Variants in PCBP3 observed in about 807,000 individuals in gnomAD.
PCBP3 encodes poly(rC) binding protein 3.
A neutral mutation model predicts 52.7 loss-of-function variants in PCBP3; 25 were observed. The ratio of observed to expected loss-of-function variants is 0.47; its 90% CI spans 0.35 to 0.66. PCBP3 has a LOEUF of 0.66. PCBP3 is among the 30% of genes least tolerant of loss of function. The pLI, the probability that PCBP3 is intolerant of heterozygous loss-of-function variation, is 0.01. For synonymous variants in PCBP3, 162 were observed against 183.0 expected (o/e 0.89, Z 0.93); for missense variants, 391 against 490.3 (o/e 0.80, Z 1.91).
Position 45,896,141 on chromosome 21 carries a change from G to A in PCBP3, c.11-67G>A, listed in dbSNP as rs538997108. 33 of 1,476,310 alleles carry A rather than the reference G, an allele frequency of 2.2e-5. No homozygotes were observed. In the Admixed American group the frequency reaches 4.0e-4, roughly 18 times the overall value. The allele number at this position is 1,476,310 out of a possible 1,614,324, so 91.5% of individuals were successfully genotyped here. A position where few individuals can be genotyped will look rare whatever the true frequency, so the allele number is the denominator to read the frequency against. On this transcript the variant is annotated intron_variant, in intron 5 of 17. Transcript: ENST00000681687. Reference sequence around the variant, plus strand: ...GGGAGGCCGGAGTGGGAGCGGCCCAGGACACCCCTGGATGTGCGTGGTCCG... The same window carrying A: ...GGGAGGCCGGAGTGGGAGCGGCCCAAGACACCCCTGGATGTGCGTGGTCCG...
intron 3 of PCBP3, among the ~76,000 whole-genome samples, chr21:45,738,704 C>A (rs1191755660): frequency 1.3e-5 from 2 of 152,086 alleles, no homozygotes; most frequent in Admixed American, 6.5e-5. Flanking sequence ...TGTCCATGGC[C>A]CCCTGGGTAG....
chr21:45,797,875 G>C (rs76704196), intron 4 of PCBP3, among the ~76,000 whole-genome samples: 8 of 102,404 alleles, frequency 7.8e-5, no homozygotes, highest in South Asian at 3.3e-4. Context: ...GATCCATAGA[G>C]AGAGTGAATG....
intron 4 of PCBP3, among the ~76,000 whole-genome samples, chr21:45,787,401 C>T (rs955122994): frequency 6.6e-6 from 1 of 152,028 alleles, no homozygotes; most frequent in African/African-American, 2.4e-5. Context: ...CGTGTCACCA[C>T]ACCTGGCTAA....
chr21:45,807,046 A>G (rs1569248373), intron 4 of PCBP3, among the ~76,000 whole-genome samples: 1 of 152,106 alleles, frequency 6.6e-6, no homozygotes, highest in Non-Finnish European at 1.5e-5. Flanking sequence ...AACAAAACTG[A>G]TTTCTGCTAT....
In PCBP3 at chr21:45,800,239, C is replaced by T. The variant is rs900296627; in HGVS notation, c.-126+44787C>T. On this transcript the variant is annotated intron_variant, in intron 4 of 17. Coordinates refer to ENST00000681687, the MANE Select transcript of PCBP3 (RefSeq NM_001384156.1). The surrounding 1 kb of genome is among the most constrained non-coding windows in gnomAD (Gnocchi z 5.3). ...GCAGCTTTTTCTTGGGAGCACCGGG[C>T]CAAGCCAGAGGCTCCTGGCAGATCC... 6.6e-6 allele frequency among the ~76,000 whole-genome samples: 1 copy of T among 152,170 alleles called. No homozygotes were observed. Among genetic ancestry groups the T allele is most frequent in the Admixed American group, 6.5e-5 (1 of 15,282 alleles).
chr21:45,877,783 G>A (rs759503347), intron 5 of PCBP3, among the ~76,000 whole-genome samples: 2 of 151,386 alleles, frequency 1.3e-5, no homozygotes, highest in Non-Finnish European at 2.9e-5. Flanking sequence ...CAACAGGAGT[G>A]AAACTCCGTC....
intron 5 of PCBP3, among the ~76,000 whole-genome samples, chr21:45,863,656 C>T (rs923734108): frequency 6.6e-6 from 1 of 152,230 alleles, no homozygotes; most frequent in African/African-American, 2.4e-5. Flanking sequence ...TCTCCTTTTT[C>T]TCCGGTAGCA....
chr21:45,760,718 AAC>A (rs1461575079), intron 4 of PCBP3: 1 of 152,254 alleles, frequency 6.6e-6, no homozygotes, highest in Non-Finnish European at 1.5e-5. Flanking sequence ...AAAAGTAGAA[AAC>A]ACAACATAAA....
intron 2 of PCBP3, among the ~76,000 whole-genome samples, chr21:45,729,689 G>T (rs2085312711): frequency 6.6e-6 from 1 of 151,012 alleles, no homozygotes; most frequent in Admixed American, 6.6e-5. Context: ...TGGTAATTTG[G>T]GCCTTCTACC....
chr21:45,757,153 G>A (rs1319402179), intron 4 of PCBP3, among the ~76,000 whole-genome samples: 1 of 152,182 alleles, frequency 6.6e-6, no homozygotes, highest in Non-Finnish European at 1.5e-5. Context: ...ACCCACATGT[G>A]TGAGCGTTCC....
intron 9 of PCBP3, among the ~76,000 whole-genome samples, chr21:45,902,914 G>T (rs1297563452): frequency 1.3e-5 from 2 of 152,246 alleles, no homozygotes; most frequent in African/African-American, 4.8e-5. Flanking sequence ...GTTTCTGACC[G>T]CACTTTCTGC....
rs2093335812 is a variant in PCBP3 at position 45,827,350 on chromosome 21, C to T, written c.-125-22611C>T. On this transcript the variant is annotated intron_variant, in intron 4 of 17. Coordinates refer to ENST00000681687, the MANE Select transcript of PCBP3 (RefSeq NM_001384156.1). This position sits in a 1 kb window ranked among gnomAD's most constrained non-coding sequence, Gnocchi z 4.3. ...AGATCTGGACATGATCATCACGTCA[C>T]ATCACATGGCCAGGTTTCAACTGCA... 6.6e-6 allele frequency among the ~76,000 whole-genome samples: 1 copy of T among 152,184 alleles called. No individual in the cohort carries two copies. The highest frequency in any genetic ancestry group is 2.1e-4 in the South Asian group (1 of 4,828).
At chr21:45,777,113 A>T (rs2090319705) in intron 4 of PCBP3, among the ~76,000 whole-genome samples, 1 of 151,800 alleles carries the variant, frequency 6.6e-6, no homozygotes, top group Non-Finnish European at 1.5e-5. Flanking sequence ...GTGGTAACAA[A>T]TTCCCTCAGC....
At chr21:45,887,200 C>G (rs886152032) in intron 5 of PCBP3, among the ~76,000 whole-genome samples, 8 of 152,250 alleles carry the variant, frequency 5.3e-5, no homozygotes, top group African/African-American at 1.9e-4. Flanking sequence ...GCTAGTCTGC[C>G]TTTCCTACGC....
Position 45,854,200 on chromosome 21 carries a change from G to A in PCBP3, c.10+4105G>A, listed in dbSNP as rs529809582. ...AGCCTGGACTTGCAGGCTCAAATACGACTCCTCCTGCCCTGCATGTGTGTC... is the reference window on the plus strand; with the variant it reads ...AGCCTGGACTTGCAGGCTCAAATACAACTCCTCCTGCCCTGCATGTGTGTC... On this transcript the variant is annotated intron_variant, in intron 5 of 17. Coordinates refer to ENST00000681687, the MANE Select transcript of PCBP3 (RefSeq NM_001384156.1). 2.6e-4 allele frequency among the ~76,000 whole-genome samples: 40 copies of A among 152,126 alleles called. 1 individual carries two copies. The Middle Eastern group carries it at 0.01, about 39-fold the overall frequency.
intron 2 of PCBP3, among the ~76,000 whole-genome samples, chr21:45,697,302 T>C (rs1315169112): frequency 3.3e-5 from 5 of 152,212 alleles, no homozygotes. Flanking sequence ...CATATGTACA[T>C]TGGAATACCA....
intron 13 of PCBP3, among the ~76,000 whole-genome samples, chr21:45,919,644 G>C (rs2074114907): frequency 6.6e-6 from 1 of 152,238 alleles, no homozygotes; most frequent in African/African-American, 2.4e-5. Flanking sequence ...CCTGGCGTCA[G>C]ACCTTTGGTG....
In PCBP3 at chr21:45,894,051, T is replaced by C. The variant is rs1022132912; in HGVS notation, c.11-2157T>C. 12 of 984,784 alleles carry C rather than the reference T, an allele frequency of 1.2e-5. No individual in the cohort carries two copies. In the African/African-American group the frequency reaches 1.4e-4, roughly 11 times the overall value. The allele number at this position is 984,784 out of a possible 1,614,324, so 61.0% of individuals were successfully genotyped here. ...CTAGGGAGAGCCAGAGAGTGGTTGA[T>C]GCCTCGTCCACCCTGGCCTTCCGAG... On this transcript the variant is annotated intron_variant, in intron 5 of 17. Transcript: ENST00000681687.
Position 45,857,488 on chromosome 21 carries a change from G to A in PCBP3, c.10+7393G>A, listed in dbSNP as rs193288571. 1.8e-3 allele frequency among the ~76,000 whole-genome samples: 278 copies of A among 152,232 alleles called. 2 individuals are homozygous for A. The highest frequency in any genetic ancestry group is 6.4e-3 in the African/African-American group (265 of 41,534). On this transcript the variant is annotated intron_variant, in intron 5 of 17. Coordinates refer to ENST00000681687, the MANE Select transcript of PCBP3 (RefSeq NM_001384156.1). ...TGGCCTGCAGAACCCTGAGCCAGCT[G>A]AAATCCTTTCTTTATAAATTACCCA...
Sources: gnomAD v4.1 joint callset for allele counts (sites outside exome capture counted in the v4.1 genomes callset) on GRCh38, gnomAD v4.1.1 for gene constraint, Gnocchi (gnomAD v3.1) non-coding constraint, MANE v1.5 for transcripts, NCBI Gene and HGNC (gene_info 2026-07-23, HGNC 2026-07-21) for gene names.